The following ZSWIM6 variants were observed in gnomAD, a reference collection of about 807,000 sequenced individuals.
ZSWIM6 encodes zinc finger SWIM domain-containing protein 6.
A neutral mutation model predicts 113.2 loss-of-function variants in ZSWIM6; 9 were observed. That is an observed-to-expected ratio of 0.08 (90% CI 0.05 to 0.14). The LOEUF is 0.14. ZSWIM6 is among the 10% of genes least tolerant of loss of function. The pLI, the probability that ZSWIM6 is intolerant of heterozygous loss-of-function variation, is 1.00. For synonymous variants in ZSWIM6, 611 were observed against 606.5 expected (o/e 1.01, Z -0.11); for missense variants, 1,162 against 1,552.2 (o/e 0.75, Z 4.22).
chr5:61,339,101 C>T (rs772263264), intron 1 of ZSWIM6, among the ~76,000 whole-genome samples: 2 of 152,126 alleles, frequency 1.3e-5, no homozygotes, highest in African/African-American at 2.4e-5. Context: ...CACTCATATT[C>T]ACGGTTAAGA....
intron 1 of ZSWIM6, among the ~76,000 whole-genome samples, chr5:61,445,698 T>C (rs1052107496): frequency 6.6e-6 from 1 of 152,200 alleles, no homozygotes; most frequent in African/African-American, 2.4e-5. Flanking sequence ...TTGAAAAACA[T>C]CATTGGTTTC....
In ZSWIM6 at chr5:61,355,411, AATCTC is replaced by A. The variant is rs1393230774; in HGVS notation, c.676+22464_676+22468del. On this transcript the variant is annotated intron_variant, in intron 1 of 13. Coordinates refer to ENST00000252744, the MANE Select transcript of ZSWIM6 (RefSeq NM_020928.2). Reference sequence around the variant, plus strand: ...ATGTAGCTTACCTGTTTACAGTGCGAATCTCTTGAGAGACTTTAAAACACACACAC... The same window carrying A: ...ATGTAGCTTACCTGTTTACAGTGCGATTGAGAGACTTTAAAACACACACAC... 8.5e-4 allele frequency among the ~76,000 whole-genome samples: 127 copies of A among 149,094 alleles called. 1 individual carries two copies. The highest frequency in any genetic ancestry group is 3.0e-3 in the African/African-American group (121 of 40,392).
chr5:61,433,118 T>C (rs1165660643), intron 1 of ZSWIM6, among the ~76,000 whole-genome samples: 1 of 152,208 alleles, frequency 6.6e-6, no homozygotes, highest in Non-Finnish European at 1.5e-5. Flanking sequence ...CTTGAAAATT[T>C]GTTTTTCTTA....
chr5:61,489,138 T>G (rs886898793), intron 2 of ZSWIM6, among the ~76,000 whole-genome samples: 4 of 152,058 alleles, frequency 2.6e-5, no homozygotes, highest in Admixed American at 1.3e-4. Context: ...TGTTTTTTCC[T>G]GCCTAAGGGC....
chr5:61,540,916 G>GTTTTTTTTTTTTTTTTTT (rs34749703), intron 12 of ZSWIM6, among the ~76,000 whole-genome samples: 1 of 94,584 alleles, frequency 1.1e-5, no homozygotes, highest in Non-Finnish European at 1.9e-5. Flanking sequence ...TATTTTGTGG[G>GTTTTTTTTTTTTTTTTTT]TTTTTTTTTT....
intron 4 of ZSWIM6, among the ~76,000 whole-genome samples, chr5:61,509,375 A>G (rs183259491): frequency 8.8e-4 from 134 of 152,300 alleles, no homozygotes; most frequent in Non-Finnish European, 1.4e-3. Context: ...GGCAGAGTGG[A>G]TGGTAGACTA....
In ZSWIM6 at chr5:61,531,556, G is replaced by A. The variant is rs746618752; in HGVS notation, c.2076G>A (p.Val692=). The change falls in exon 9 of 14, where the codon GTG becomes GTA. Residue 692 remains valine, a synonymous_variant. Coordinates refer to ENST00000252744, the MANE Select transcript of ZSWIM6 (RefSeq NM_020928.2). ...GGGAATCCTATTTAACGCTGGCTGT[G>A]GAAGTAGCCCTGATAGGGCTAGGAC... is the stretch of plus-strand genomic sequence containing the variant. ...EEGESYLTLA[V]EVALIGLGQQ... The A allele has an allele frequency of 3.2e-6, 5 of 1,551,596 alleles. No individual in the cohort carries two copies. In the African/African-American group the frequency reaches 6.8e-5, roughly 21 times the overall value.
chr5:61,473,035 A>C lies in ZSWIM6; in HGVS notation c.1031A>C (p.His344Pro). Residue 344 changes from histidine to proline, a missense_variant and splice_region_variant, in exon 2 of 14, where the codon CAT becomes CCT. Coordinates refer to ENST00000252744, the MANE Select transcript of ZSWIM6 (RefSeq NM_020928.2). ...LSQNSEINQV[H>P]GAPDPTAGAS... The stretch of plus-strand genomic sequence containing the variant: ...CAAAATTCAGAAATCAACCAAGTTC[A>C]TGGTGAGTATAGACATTGACTCTTT... 1 of 1,515,544 alleles carries C rather than the reference A, an allele frequency of 6.6e-7. No homozygotes were observed. The highest frequency in any genetic ancestry group is 8.9e-7 in the Non-Finnish European group (1 of 1,123,154). The allele number at this position is 1,515,544 out of a possible 1,614,324, so 93.9% of individuals were successfully genotyped here. A position where few individuals can be genotyped will look rare whatever the true frequency, so the allele number is the denominator to read the frequency against.
intron 1 of ZSWIM6, among the ~76,000 whole-genome samples, chr5:61,453,199 T>C (rs2112159594): frequency 6.6e-6 from 1 of 152,338 alleles, no homozygotes; most frequent in African/African-American, 2.4e-5. Flanking sequence ...TTCCTTTTTT[T>C]AGTTTATTGT....
At chr5:61,392,123 A>G (rs1343199722) in intron 1 of ZSWIM6, among the ~76,000 whole-genome samples, 1 of 152,144 alleles carries the variant, frequency 6.6e-6, no homozygotes, top group Non-Finnish European at 1.5e-5. Flanking sequence ...GTTATGTGAG[A>G]TATCTTTATG....
At chr5:61,362,160 A>G (rs1311267028) in intron 1 of ZSWIM6, among the ~76,000 whole-genome samples, 1 of 149,494 alleles carries the variant, frequency 6.7e-6, no homozygotes, top group Non-Finnish European at 1.5e-5. Context: ...TTCATGCCTT[A>G]TTTTTTTAAA....
intron 4 of ZSWIM6, among the ~76,000 whole-genome samples, chr5:61,518,654 A>G (rs1749028600): frequency 6.6e-6 from 1 of 152,074 alleles, no homozygotes; most frequent in African/African-American, 2.4e-5. Context: ...TTTCTTGTAA[A>G]TTTATTTGAG....
chr5:61,532,181 G>A (rs1158467172), intron 9 of ZSWIM6, among the ~76,000 whole-genome samples: 3 of 152,142 alleles, frequency 2.0e-5, no homozygotes, highest in African/African-American at 4.8e-5. Flanking sequence ...ATACGCACAC[G>A]CTAACAAACG....
chr5:61,391,091 G>T, intron 1 of ZSWIM6: 1 of 741,482 alleles, frequency 1.3e-6, no homozygotes, highest in South Asian at 1.4e-5. Context: ...AAGGCCACAG[G>T]GGCAGGATGC....
chr5:61,333,410 C>A (rs941023206), intron 1 of ZSWIM6, among the ~76,000 whole-genome samples: 4 of 151,882 alleles, frequency 2.6e-5, no homozygotes, highest in Non-Finnish European at 4.4e-5. Flanking sequence ...GCGCTCCCCC[C>A]CTCTCCCACT....
Position 61,472,500 on chromosome 5 carries a change from T to C in ZSWIM6, c.677-181T>C, listed in dbSNP as rs563118274. ...GTTGAATACCATTTATTTATTTTTC[T>C]TTTTTTACCTGTAAGGGGGTGGTGG... On this transcript the variant is annotated intron_variant, in intron 1 of 13. Coordinates refer to ENST00000252744, the MANE Select transcript of ZSWIM6 (RefSeq NM_020928.2). This position sits in a 1 kb window ranked among gnomAD's most constrained non-coding sequence, Gnocchi z 4.1. Among the ~76,000 whole-genome samples the C allele has an allele frequency of 6.6e-6, 1 of 152,328 alleles. No individual in the cohort carries two copies. The highest frequency in any genetic ancestry group is 1.5e-5 in the Non-Finnish European group (1 of 68,026).
intron 1 of ZSWIM6, among the ~76,000 whole-genome samples, chr5:61,415,242 A>G (rs1442411635): frequency 6.6e-6 from 1 of 152,230 alleles, no homozygotes; most frequent in Non-Finnish European, 1.5e-5. Context: ...ATTTAGAGAT[A>G]TTTCATATAT....
At chr5:61,537,933 G>C (rs1749623130) in intron 10 of ZSWIM6, among the ~76,000 whole-genome samples, 1 of 152,298 alleles carries the variant, frequency 6.6e-6, no homozygotes, top group Admixed American at 6.5e-5. Flanking sequence ...TTTTTCATCA[G>C]CATATTCTTT....
intron 1 of ZSWIM6, chr5:61,375,350 T>G: frequency 6.2e-7 from 1 of 1,602,706 alleles, no homozygotes; most frequent in Non-Finnish European, 8.5e-7. Flanking sequence ...AGAGAGAAAT[T>G]GTTAAGTGGA....
Sources: gnomAD v4.1 joint callset for allele counts (sites outside exome capture counted in the v4.1 genomes callset) on GRCh38, gnomAD v4.1.1 for gene constraint, Gnocchi (gnomAD v3.1) non-coding constraint, MANE v1.5 for transcripts, NCBI Gene and HGNC (gene_info 2026-07-23, HGNC 2026-07-21) for gene names.